Variants in CALM2 observed in about 807,000 individuals in gnomAD.
The protein encoded by CALM2 is calmodulin-2.
CALM2 carries 2 observed loss-of-function variants against 19.8 expected under a neutral mutation model. The observed-to-expected ratio is 0.10, with a 90% CI of 0.04 to 0.32. The LOEUF (loss-of-function observed/expected upper bound fraction) is 0.32, where lower values mean the gene tolerates loss of function less well. CALM2 is among the 10% of genes least tolerant of loss of function. The probability of loss-of-function intolerance (pLI) is 1.00; values close to 1 mark genes in which losing one functional copy is unlikely to be tolerated. For synonymous variants in CALM2, 51 were observed against 52.1 expected, an observed-to-expected ratio of 0.98 and a Z score of 0.09; for missense variants, 38 against 178.7, an observed-to-expected ratio of 0.21 and a Z score of 4.49.
intron 2 of CALM2, among the ~76,000 whole-genome samples, chr2:47,165,799 T>C (rs1420579133): frequency 1.3e-5 from 2 of 152,170 alleles, no homozygotes; most frequent in Non-Finnish European, 2.9e-5. Flanking sequence ...AAATGAATTC[T>C]ATACTCCCAG....
At chr2:47,173,882 G>C (rs992590321) in intron 1 of CALM2, 1 of 152,194 alleles carries the variant, frequency 6.6e-6, no homozygotes, top group South Asian at 2.1e-4. Context: ...CTGAAGAATA[G>C]TACTTACATA....
intron 2 of CALM2, chr2:47,163,102 AAAAAT>A (rs1687206811): frequency 6.4e-6 from 1 of 155,172 alleles, no homozygotes; most frequent in African/African-American, 2.4e-5. Context: ...CTCACAAAAC[AAAAAT>A]AAGACTACTG....
chr2:47,176,917 G>C, upstream of CALM2: 1 of 985,432 alleles, frequency 1.0e-6, no homozygotes, highest in Middle Eastern at 5.2e-4. Context: ...TGCTGCTCGG[G>C]CCGCGCTGTC....
At chr2:47,167,741 A>C (rs1379050360) in intron 2 of CALM2, 1 of 137,132 alleles carries the variant, frequency 7.3e-6, no homozygotes, top group Non-Finnish European at 1.6e-5. Context: ...TAGTAACTTC[A>C]TCTACACAAG....
intron 2 of CALM2, among the ~76,000 whole-genome samples, chr2:47,164,403 G>A (rs1165667887): frequency 1.5e-5 from 2 of 134,086 alleles, no homozygotes; most frequent in African/African-American, 3.0e-5. Flanking sequence ...GTGTGGCAGC[G>A]TGGGCCTGTA....
intron 2 of CALM2, among the ~76,000 whole-genome samples, chr2:47,164,609 G>C (rs1266067261): frequency 6.7e-6 from 1 of 149,198 alleles, no homozygotes; most frequent in Non-Finnish European, 1.5e-5. Context: ...AAAAAAAAAA[G>C]AAAGAAAGAA....
upstream of CALM2, chr2:47,176,551 C>T (rs1234486658): frequency 6.4e-7 from 1 of 1,561,178 alleles, no homozygotes; most frequent in Non-Finnish European, 8.7e-7. Context: ...TAAACACCTC[C>T]CTCCGCCAGA....
At chr2:47,174,381 T>C (rs1666776044) in intron 1 of CALM2, among the ~76,000 whole-genome samples, 1 of 152,116 alleles carries the variant, frequency 6.6e-6, no homozygotes, top group African/African-American at 2.4e-5. Flanking sequence ...GCCCATTGAC[T>C]AGCCAGGACT....
rs1380779429 is a variant in CALM2 at position 47,176,471 on chromosome 2, G to C, written c.-28C>G. 1 of 1,613,600 alleles carries C rather than the reference G, an allele frequency of 6.2e-7. No individual in the cohort carries two copies. The highest frequency in any genetic ancestry group is 1.3e-5 in the African/African-American group (1 of 74,954). On this transcript the variant is annotated 5_prime_UTR_variant, in exon 1 of 6. Transcript: ENST00000272298. ...TGCAAGCGCTACCGGTTTCCGAGACGCGACCACACAACCACTCAGCTCGCT... is the reference window on the plus strand; with the variant it reads ...TGCAAGCGCTACCGGTTTCCGAGACCCGACCACACAACCACTCAGCTCGCT...
At chr2:47,175,087 T>TTTTTTTTG (rs1666807068) in intron 1 of CALM2, among the ~76,000 whole-genome samples, 1 of 131,724 alleles carries the variant, frequency 7.6e-6, no homozygotes, top group East Asian at 2.0e-4. Context: ...AGGTGTTTTT[T>TTTTTTTTG]TTTTTTTTTT....
rs1687163831 is a variant in CALM2 at position 47,161,742 on chromosome 2, A to G, written c.402T>C (p.Asp134=). Reference sequence around the variant, plus strand: ...ATTTACCTTCATAGTTTACTTGACCATCACCATCAATATCTGCTTCCCTGA... The same window carrying G: ...ATTTACCTTCATAGTTTACTTGACCGTCACCATCAATATCTGCTTCCCTGA... ...EMIREADIDG[D]GQVNYEEFVQ... The change falls in exon 5 of 6, where the codon GAT becomes GAC. Residue 134 remains aspartate, a synonymous_variant. Coordinates refer to ENST00000272298, the MANE Select transcript of CALM2 (RefSeq NM_001743.6). 6.2e-7 allele frequency: 1 copy of G among 1,611,692 alleles called. No individual in the cohort carries two copies. The highest frequency in any genetic ancestry group is 1.1e-5 in the South Asian group (1 of 90,774).
At chr2:47,168,890 G>C (rs939587019) in intron 2 of CALM2, among the ~76,000 whole-genome samples, 1 of 151,978 alleles carries the variant, frequency 6.6e-6, no homozygotes. Context: ...TGATTCTCCT[G>C]CATCAGCCTC....
intron 2 of CALM2, among the ~76,000 whole-genome samples, chr2:47,169,890 G>C (rs1488739038): frequency 6.6e-6 from 1 of 151,072 alleles, no homozygotes; most frequent in Non-Finnish European, 1.5e-5. Flanking sequence ...CAAATAAACT[G>C]CTTGGTGCTC....
chr2:47,161,561 T>C (rs965121733), intron 5 of CALM2, among the ~76,000 whole-genome samples, 162 bp downstream of exon 5: 1 of 152,206 alleles, frequency 6.6e-6, no homozygotes, highest in African/African-American at 2.4e-5. Flanking sequence ...TGTTACCTAG[T>C]CTGCAGACAA....
chr2:47,169,026 G>A (rs909866757), intron 2 of CALM2, among the ~76,000 whole-genome samples: 2 of 151,848 alleles, frequency 1.3e-5, no homozygotes, highest in African/African-American at 2.4e-5. Flanking sequence ...GATCCGCCTC[G>A]GCCTCCCAAA....
chr2:47,161,623 TTTC>T (rs1687157652), intron 5 of CALM2, 97 bp downstream of exon 5: 61 of 1,091,808 alleles, frequency 5.6e-5, no homozygotes, highest in Non-Finnish European at 7.9e-5. Flanking sequence ...AGCAACCTAA[TTTC>T]AGGGGAAGGG....
At chr2:47,169,587 GAAAGT>G (rs1666602781) in intron 2 of CALM2, among the ~76,000 whole-genome samples, 1 of 152,016 alleles carries the variant, frequency 6.6e-6, no homozygotes, top group South Asian at 2.1e-4. Flanking sequence ...ACCAACCTCA[GAAAGT>G]AAAAACTAAG....
intron 5 of CALM2, among the ~76,000 whole-genome samples, chr2:47,161,402 A>C (rs1371792339): frequency 6.6e-6 from 1 of 152,242 alleles, no homozygotes; most frequent in South Asian, 2.1e-4. Flanking sequence ...TTTGCTTTCC[A>C]CATTGTTCCA....
upstream of CALM2, chr2:47,176,590 A>G: frequency 3.2e-6 from 5 of 1,540,818 alleles, no homozygotes; most frequent in Non-Finnish European, 4.4e-6. Context: ...ATAACGGAAC[A>G]TCGCAAACGA....
Sources: gnomAD v4.1 joint callset for allele counts (sites outside exome capture counted in the v4.1 genomes callset) on GRCh38, gnomAD v4.1.1 for gene constraint, MANE v1.5 for transcripts, NCBI Gene and HGNC (gene_info 2026-07-23, HGNC 2026-07-21) for gene names.